The following IGF1R variants were observed in gnomAD, a reference collection of about 807,000 sequenced individuals.
IGF1R encodes insulin-like growth factor 1 receptor.
A neutral mutation model predicts 144.6 loss-of-function variants in IGF1R; 44 were observed. The observed-to-expected ratio is 0.30, with a 90% confidence interval of 0.24 to 0.39. IGF1R has a LOEUF of 0.39. Among genes scored for constraint, IGF1R ranks in the 10% least tolerant of loss-of-function variants. The pLI, the probability that IGF1R is intolerant of heterozygous loss-of-function variation, is 1.00. For missense variants in IGF1R, 1,355 were observed against 1,833.7 expected, an observed-to-expected ratio of 0.74 and a Z score of 4.77; for synonymous variants, 795 against 722.8, an observed-to-expected ratio of 1.10 and a Z score of -1.60.
intron 15 of IGF1R, among the ~76,000 whole-genome samples, chr15:98,930,855 G>C (rs540329461): frequency 6.6e-6 from 1 of 152,146 alleles, no homozygotes; most frequent in Non-Finnish European, 1.5e-5. Context: ...AAGTGGCTGG[G>C]AAGGTCTGAC....
intron 2 of IGF1R, among the ~76,000 whole-genome samples, chr15:98,720,546 G>A (rs1449669171): frequency 6.6e-6 from 1 of 152,136 alleles, no homozygotes; most frequent in Non-Finnish European, 1.5e-5. Context: ...AGGAGGCTGT[G>A]GACATTAGGA....
intron 6 of IGF1R, among the ~76,000 whole-genome samples, chr15:98,909,815 C>T (rs1485609078): frequency 6.6e-6 from 1 of 152,186 alleles, no homozygotes; most frequent in Non-Finnish European, 1.5e-5. Context: ...CAGCCTTGTA[C>T]TGTTTATAAA....
At chr15:98,686,684 T>C (rs939704425) in intron 1 of IGF1R, among the ~76,000 whole-genome samples, 6 of 151,966 alleles carry the variant, frequency 3.9e-5, no homozygotes, top group Admixed American at 1.3e-4. Context: ...TTTTTTTTTT[T>C]CTTAGAGACA....
At chr15:98,830,345 C>T (rs2056977105) in intron 2 of IGF1R, among the ~76,000 whole-genome samples, 1 of 152,196 alleles carries the variant, frequency 6.6e-6, no homozygotes. Context: ...CATGTGTTTT[C>T]ATTTCTGCCA....
intron 8 of IGF1R, among the ~76,000 whole-genome samples, chr15:98,914,450 C>G (rs918908665): frequency 6.6e-6 from 1 of 152,200 alleles, no homozygotes. Flanking sequence ...ACGCCTGCTC[C>G]TTCCTCCACT....
At chr15:98,753,075 A>G (rs530510185) in intron 2 of IGF1R, among the ~76,000 whole-genome samples, 1 of 151,856 alleles carries the variant, frequency 6.6e-6, no homozygotes, top group African/African-American at 2.4e-5. Context: ...AGCTAGGACT[A>G]CAGGCACGTG....
chr15:98,869,782 A>T (rs1368709541), intron 2 of IGF1R, among the ~76,000 whole-genome samples: 1 of 152,154 alleles, frequency 6.6e-6, no homozygotes, highest in Non-Finnish European at 1.5e-5. Flanking sequence ...TAAAGTCTGT[A>T]TGTGCACACC....
At chr15:98,871,807 G>A (rs969795389) in intron 2 of IGF1R, among the ~76,000 whole-genome samples, 3 of 152,216 alleles carry the variant, frequency 2.0e-5, no homozygotes, top group Non-Finnish European at 4.4e-5. Flanking sequence ...CAACATGTGG[G>A]AATTATAGGA....
chr15:98,850,346 G>C (rs904446511), intron 2 of IGF1R, among the ~76,000 whole-genome samples: 3 of 152,192 alleles, frequency 2.0e-5, no homozygotes, highest in African/African-American at 7.2e-5. Context: ...GAGCAGAGAA[G>C]GACCCTGTGG....
At chr15:98,790,633 C>G (rs981505237) in intron 2 of IGF1R, among the ~76,000 whole-genome samples, 1 of 152,190 alleles carries the variant, frequency 6.6e-6, no homozygotes, top group Non-Finnish European at 1.5e-5. Context: ...CCTTCTGTCT[C>G]TGTGCCTCGA....
At chr15:98,695,892 C>G (rs766154565) in intron 1 of IGF1R, among the ~76,000 whole-genome samples, 4 of 152,160 alleles carry the variant, frequency 2.6e-5, no homozygotes, top group Non-Finnish European at 4.4e-5. Context: ...CTGGTCCCTG[C>G]TCTCACTTGG....
chr15:98,717,279 G>A (rs1481748127), intron 2 of IGF1R, among the ~76,000 whole-genome samples: 1 of 152,084 alleles, frequency 6.6e-6, no homozygotes, highest in East Asian at 1.9e-4. Context: ...TATTTGAAAA[G>A]CATCTAACAT....
chr15:98,758,545 A>G (rs924667254), intron 2 of IGF1R, among the ~76,000 whole-genome samples: 2 of 152,240 alleles, frequency 1.3e-5, no homozygotes, highest in Non-Finnish European at 2.9e-5. Flanking sequence ...CTCTTCCGAC[A>G]ACATAAGGCT....
intron 4 of IGF1R, 95 bp downstream of exon 4, chr15:98,897,000 A>T: frequency 8.6e-7 from 1 of 1,163,136 alleles, no homozygotes; most frequent in Admixed American, 1.8e-5. Context: ...CCACTAAAAT[A>T]TGGGCTTAGA....
At chr15:98,811,363 AC>A (rs1479818708) in intron 2 of IGF1R, among the ~76,000 whole-genome samples, 4 of 143,596 alleles carry the variant, frequency 2.8e-5, no homozygotes, top group Non-Finnish European at 4.5e-5. Context: ...CACTAAAAAT[AC>A]AAAAAAAAAA....
At chr15:98,906,445 G>C (rs1391457365) in intron 5 of IGF1R, among the ~76,000 whole-genome samples, 1 of 152,198 alleles carries the variant, frequency 6.6e-6, no homozygotes, top group Non-Finnish European at 1.5e-5. Flanking sequence ...CTTTGGAGCT[G>C]GAGAAACCTA....
At chr15:98,771,811 A>G (rs985624276) in intron 2 of IGF1R, among the ~76,000 whole-genome samples, 3 of 152,164 alleles carry the variant, frequency 2.0e-5, no homozygotes, top group African/African-American at 7.2e-5. Flanking sequence ...AATTGCTACA[A>G]AGTCCAGGGT....
At chr15:98,890,169 G>A (rs924849952) in intron 2 of IGF1R, among the ~76,000 whole-genome samples, 1 of 152,198 alleles carries the variant, frequency 6.6e-6, no homozygotes, top group Admixed American at 6.5e-5. Context: ...CTTGTCAGAG[G>A]CATTGAAACC....
At chr15:98,809,602 G>T (rs1474426535) in intron 2 of IGF1R, among the ~76,000 whole-genome samples, 1 of 152,208 alleles carries the variant, frequency 6.6e-6, no homozygotes, top group Admixed American at 6.5e-5. Context: ...TATAAATCCT[G>T]TGTAAATAGT....
Sources: allele counts gnomAD v4.1 joint callset (sites outside exome capture counted in the v4.1 genomes callset), GRCh38; gene constraint gnomAD v4.1.1; transcripts MANE v1.5; gene names NCBI Gene and HGNC (gene_info 2026-07-23, HGNC 2026-07-21).